The following XPR1 variants were observed in gnomAD, a reference collection of about 807,000 sequenced individuals.
The protein encoded by XPR1 is xenotropic and polytropic retrovirus receptor 1.
A neutral mutation model predicts 87.5 loss-of-function variants in XPR1; 28 were observed. That is an observed-to-expected ratio of 0.32 (90% CI 0.24 to 0.44). XPR1 has a LOEUF of 0.44. Ranked by LOEUF, XPR1 falls within the 20% of genes least tolerant of loss-of-function variation. The pLI, the probability that XPR1 is intolerant of heterozygous loss-of-function variation, is 1.00. For synonymous variants in XPR1, 300 were observed against 306.1 expected (o/e 0.98, Z 0.21); for missense variants, 559 against 862.3 (o/e 0.65, Z 4.41).
intron 14 of XPR1, among the ~76,000 whole-genome samples, chr1:180,882,669 G>A (rs1312736440): frequency 6.6e-6 from 1 of 152,082 alleles, no homozygotes; most frequent in African/African-American, 2.4e-5. Context: ...TGATTTTATT[G>A]TTGGTATTTA....
chr1:180,767,846 A>C (rs1237112460), intron 2 of XPR1, among the ~76,000 whole-genome samples: 1 of 151,954 alleles, frequency 6.6e-6, no homozygotes, highest in East Asian at 1.9e-4. Context: ...TTATCACAAG[A>C]AACTTTTTTT....
chr1:180,873,684 G>A (rs977148705), intron 12 of XPR1, 119 bp from the exon 13 acceptor site: 1 of 1,089,698 alleles, frequency 9.2e-7, no homozygotes, highest in Non-Finnish European at 1.3e-6. Context: ...CTTTCCTCTT[G>A]AGCCTGTGCT....
At chr1:180,703,321 G>A (rs1235658854) in intron 2 of XPR1, among the ~76,000 whole-genome samples, 1 of 152,056 alleles carries the variant, frequency 6.6e-6, no homozygotes, top group East Asian at 1.9e-4. Context: ...GGTGGAGTGG[G>A]CTTGTCTTCA....
chr1:180,714,973 C>T (rs1340223853), intron 2 of XPR1, among the ~76,000 whole-genome samples: 1 of 151,994 alleles, frequency 6.6e-6, no homozygotes, highest in African/African-American at 2.4e-5. Flanking sequence ...AAGATGGTAG[C>T]CTAAATATAT....
chr1:180,740,712 G>A (rs1658888119), intron 2 of XPR1, among the ~76,000 whole-genome samples: 1 of 152,072 alleles, frequency 6.6e-6, no homozygotes, highest in Admixed American at 6.5e-5. Context: ...CAGTCCTTTT[G>A]GACTGCTATG....
At chr1:180,812,649 CTT>C (rs955473305) in intron 7 of XPR1, among the ~76,000 whole-genome samples, 44 of 134,226 alleles carry the variant, frequency 3.3e-4, no homozygotes, top group Non-Finnish European at 3.1e-4. Context: ...GCAGCCATTT[CTT>C]TTTTTTTTTT....
intron 13 of XPR1, chr1:180,878,245 A>G (rs1421508207): frequency 6.6e-6 from 1 of 152,246 alleles, no homozygotes; most frequent in African/African-American, 2.4e-5. Context: ...TCATTTGCTT[A>G]CTAACTAAAT....
rs572329251 is a variant in XPR1 at position 180,803,250 on chromosome 1, C to G, written c.224-138C>G. The G allele has an allele frequency of 1.3e-5, 10 of 746,984 alleles. No homozygotes were observed. The South Asian group carries it at 1.9e-4, about 14-fold the overall frequency. The allele number at this position is 746,984 out of a possible 1,614,324, so 46.3% of individuals were successfully genotyped here. A position where few individuals can be genotyped will look rare whatever the true frequency, so the allele number is the denominator to read the frequency against. On this transcript the variant is annotated intron_variant, in intron 3 of 14. Transcript: ENST00000367590. ...GAGTGTTACACAAAAATATTTTTTC[C>G]TATAGAGTTCTAAATATTACATGTA...
intron 2 of XPR1, among the ~76,000 whole-genome samples, chr1:180,733,939 T>C (rs1025939177): frequency 2.9e-4 from 44 of 152,324 alleles, no homozygotes; most frequent in African/African-American, 1.0e-3. Context: ...ACGTACATAA[T>C]TTTATTTAAT....
rs898392895 is a variant in XPR1, at chr1:180,829,132, G to T, written c.1134+3788G>T. Among the ~76,000 whole-genome samples, 5 of 152,196 alleles carry T rather than the reference G, an allele frequency of 3.3e-5. No homozygotes were observed. The East Asian group carries it at 9.6e-4, about 29-fold the overall frequency. The stretch of plus-strand genomic sequence containing the variant: ...GATCGCTTGAGTCCAGCAGGTTGAG[G>T]TTGCAATGAGCTGAAATTGTACCAC... On this transcript the variant is annotated intron_variant, in intron 9 of 14. Transcript: ENST00000367590.
At chr1:180,758,124 C>A (rs1647830779) in intron 2 of XPR1, among the ~76,000 whole-genome samples, 1 of 139,296 alleles carries the variant, frequency 7.2e-6, no homozygotes, top group Non-Finnish European at 1.5e-5. Flanking sequence ...TACACACACA[C>A]ACACACACAC....
At chr1:180,855,837 A>C (rs1217978791) in intron 11 of XPR1, among the ~76,000 whole-genome samples, 1 of 152,136 alleles carries the variant, frequency 6.6e-6, no homozygotes, top group Non-Finnish European at 1.5e-5. Context: ...TTCTCCCTAC[A>C]TGCTTATTTA....
chr1:180,745,094 A>G (rs1161847123), intron 2 of XPR1, among the ~76,000 whole-genome samples: 3 of 152,228 alleles, frequency 2.0e-5, no homozygotes, highest in African/African-American at 7.2e-5. Flanking sequence ...GATATGTGTC[A>G]GTTGCCTGGA....
intron 12 of XPR1, among the ~76,000 whole-genome samples, chr1:180,866,870 G>T (rs1242640426): frequency 8.0e-6 from 1 of 125,454 alleles, no homozygotes; most frequent in Non-Finnish European, 1.6e-5. Context: ...GTGCAGGTTA[G>T]TTACATATGT....
chr1:180,705,660 T>C (rs186151839), intron 2 of XPR1, among the ~76,000 whole-genome samples: 18 of 152,326 alleles, frequency 1.2e-4, no homozygotes, highest in Non-Finnish European at 2.1e-4. Flanking sequence ...GTTTTTTCTG[T>C]ATGGGATCCT....
At chr1:180,827,335 G>A (rs73034733) in intron 9 of XPR1, among the ~76,000 whole-genome samples, 6,518 of 152,004 alleles carry the variant, frequency 0.043, 501 homozygotes, top group African/African-American at 0.15. Context: ...AGAAAACTCA[G>A]GTTTTACTAT....
At chr1:180,684,945 A>G (rs1270703760) in intron 2 of XPR1, among the ~76,000 whole-genome samples, 1 of 152,106 alleles carries the variant, frequency 6.6e-6, no homozygotes, top group East Asian at 1.9e-4. Flanking sequence ...GGACAATTTG[A>G]CTTCCTCTTT....
intron 2 of XPR1, among the ~76,000 whole-genome samples, chr1:180,784,254 C>T (rs1050298029): frequency 1.2e-4 from 18 of 152,048 alleles, no homozygotes; most frequent in African/African-American, 4.1e-4. Context: ...CATGATACCA[C>T]TGTTTTAAAA....
intron 4 of XPR1, among the ~76,000 whole-genome samples, chr1:180,805,772 CA>C (rs1349445942): frequency 6.6e-6 from 1 of 151,990 alleles, no homozygotes; most frequent in African/African-American, 2.4e-5. Context: ...AAACAGGAAA[CA>C]AAAACATTTT....
Sources: gnomAD v4.1 joint callset for allele counts (sites outside exome capture counted in the v4.1 genomes callset) on GRCh38, gnomAD v4.1.1 for gene constraint, MANE v1.5 for transcripts, NCBI Gene and HGNC (gene_info 2026-07-23, HGNC 2026-07-21) for gene names.